The following PLEC variants were observed in gnomAD, a reference collection of about 807,000 sequenced individuals.
The protein encoded by PLEC is plectin.
A neutral mutation model predicts 392.8 loss-of-function variants in PLEC; 216 were observed. The ratio of observed to expected loss-of-function variants is 0.55; its 90% CI spans 0.49 to 0.62. PLEC has a LOEUF of 0.62. PLEC is among the 20% of genes least tolerant of loss of function. The probability of loss-of-function intolerance (pLI) is 0.00; values close to 1 mark genes in which losing one functional copy is unlikely to be tolerated. For synonymous variants in PLEC, 3,621 were observed against 2,980.6 expected, an observed-to-expected ratio of 1.21 and a Z score of -7.00; for missense variants, 6,863 against 6,563.4, an observed-to-expected ratio of 1.05 and a Z score of -1.58.
chr8:143,930,390 C>T lies in PLEC; in HGVS notation c.2451G>A (p.Gln817=), dbSNP rs1554713714. The change falls in exon 20 of 32, where the codon CAG becomes CAA. Residue 817 remains glutamine, a synonymous_variant. Coordinates refer to ENST00000345136, the MANE Select transcript of PLEC (RefSeq NM_201384.3). ...LPLLAVCDYK[Q]VEVTVHKGDE... Reference sequence around the variant, plus strand: ...ACCCCCGGCCTGCGCTCACCTCCACCTGCTTATAGTCGCACACGGCCAGCA... The same window carrying T: ...ACCCCCGGCCTGCGCTCACCTCCACTTGCTTATAGTCGCACACGGCCAGCA... 1.9e-6 allele frequency: 3 copies of T among 1,572,500 alleles called. No individual in the cohort carries two copies. In the Admixed American group the frequency reaches 5.5e-5, roughly 29 times the overall value.
chr8:143,965,850 C>T (rs942105712), intron 1 of PLEC, among the ~76,000 whole-genome samples: 2 of 152,212 alleles, frequency 1.3e-5, no homozygotes, highest in African/African-American at 2.4e-5. Context: ...GATGCCCATG[C>T]CCCCTGTGAC....
At position 143,918,694 on chromosome 8, in the gene PLEC, A is replaced by G. The variant is rs7819099; in HGVS notation, c.11127T>C (p.Ala3709=). The G allele has an allele frequency of 0.43, 691,722 of 1,612,552 alleles. 154,692 individuals carry two copies. Among genetic ancestry groups the G allele is most frequent in the African/African-American group, 0.73 (54,827 of 74,964 alleles). The change falls in exon 32 of 32, where the codon GCT becomes GCC. Residue 3709 remains alanine (A), a synonymous_variant. Coordinates refer to ENST00000345136, the MANE Select transcript of PLEC (RefSeq NM_201384.3). ...CGGCACTCAGCAGCCCTTTCTTGAG[A>G]GCCTGGTAGATGCTCAGTGTCTGCC... ...GSRQTLSIYQ[A]LKKGLLSAEV... is the part of the protein sequence containing the mutation.
At chr8:143,934,551 G>C in intron 10 of PLEC, 84 bp downstream of exon 10, 2 of 1,597,648 alleles carry the variant, frequency 1.3e-6, no homozygotes, top group Non-Finnish European at 1.7e-6. Context: ...TGGTCCCAAA[G>C]GCAGGGCCAG....
chr8:143,953,954 C>T (rs1015306302), upstream of PLEC: 171 of 1,358,624 alleles, frequency 1.3e-4, no homozygotes, highest in African/African-American at 2.5e-3. Context: ...CGCATGCTCC[C>T]GGCCGCACCG....
In PLEC at chr8:143,918,220, G is replaced by T; in HGVS notation, c.11601C>A (p.Asp3867Glu). The change falls in exon 32 of 32, where the codon GAC becomes GAA. Residue 3867 changes from aspartate to glutamate, a missense_variant. By Grantham distance (45) the Asp-to-Glu change is conservative. Coordinates refer to ENST00000345136, the MANE Select transcript of PLEC (RefSeq NM_201384.3). ...GCAGGAGCAGCTGGCCGGTGCCGTC[G>T]TCACGACGGCACCGCCTGAGCAGCT... ...YTQLLRRCRR[D>E]DGTGQLLLPL... 6.3e-7 allele frequency: 1 copy of T among 1,577,986 alleles called. No homozygotes were observed.
intron 1 of PLEC, among the ~76,000 whole-genome samples, chr8:143,966,057 G>A (rs1833072601): frequency 4.6e-5 from 7 of 152,034 alleles, no homozygotes; most frequent in Admixed American, 3.9e-4. Context: ...CTTCCCACAT[G>A]CCCCCTGGCA....
upstream of PLEC, among the ~76,000 whole-genome samples, chr8:143,957,368 C>T (rs1587388509): frequency 6.6e-6 from 1 of 152,170 alleles, no homozygotes; most frequent in Non-Finnish European, 1.5e-5. Context: ...AGGCTGCAGT[C>T]GGGCTCACCA....
Position 143,923,065 on chromosome 8 carries a change from T to G in PLEC, c.6864A>C (p.Gln2288His). 1 of 1,609,880 alleles carries G rather than the reference T, an allele frequency of 6.2e-7. No homozygotes were observed. The highest frequency in any genetic ancestry group is 2.2e-5 in the East Asian group (1 of 44,804). The change falls in exon 31 of 32, where the codon CAA becomes CAC. Residue 2288 changes from glutamine to histidine, a missense_variant. Transcript: ENST00000345136. The part of the protein sequence containing the change: ...EEAARLSVAA[Q>H]EAARLRQLAE... ...CCAGCTGCCGCAGTCGCGCAGCCTCTTGGGCCGCCACACTCAGCCGCGCGG... is the reference window on the plus strand; with the variant it reads ...CCAGCTGCCGCAGTCGCGCAGCCTCGTGGGCCGCCACACTCAGCCGCGCGG...
At chr8:143,971,855 G>A (rs578184605) in intron 1 of PLEC, among the ~76,000 whole-genome samples, 5 of 151,942 alleles carry the variant, frequency 3.3e-5, no homozygotes, top group African/African-American at 4.8e-5. Flanking sequence ...CCAAGACTGC[G>A]AGTGTGCCCA....
At chr8:143,954,071 C>A (rs1280821916), upstream of PLEC, among the ~76,000 whole-genome samples, 1 of 152,116 alleles carries the variant, frequency 6.6e-6, no homozygotes, top group Non-Finnish European at 1.5e-5. The surrounding 1 kb of genome is among the most constrained non-coding windows in gnomAD (Gnocchi z 4.6). Context: ...ACGGCCCACT[C>A]CCCAGCTCCG....
Position 143,930,383 on chromosome 8 carries a change from C to T in PLEC, c.2457+1G>A, listed in dbSNP as rs368904034. 1.3e-6 allele frequency: 2 copies of T among 1,571,724 alleles called. No individual in the cohort carries two copies. On this transcript the variant is annotated splice_donor_variant, in intron 20 of 31. Coordinates refer to ENST00000345136, the MANE Select transcript of PLEC (RefSeq NM_201384.3). LOFTEE classifies it high-confidence loss of function. ...CCAGTGGACCCCCGGCCTGCGCTCACCTCCACCTGCTTATAGTCGCACACG... is the reference window on the plus strand; with the variant it reads ...CCAGTGGACCCCCGGCCTGCGCTCATCTCCACCTGCTTATAGTCGCACACG...
intron 1 of PLEC, 94 bp from the exon 2 acceptor site, chr8:143,938,786 G>A: frequency 1.8e-6 from 2 of 1,102,758 alleles, no homozygotes; most frequent in Non-Finnish European, 2.8e-6. Flanking sequence ...TGGCTGGCCA[G>A]GTCCTGCCTG....
chr8:143,921,346 G>A lies in PLEC; in HGVS notation c.8475C>T (p.Pro2825=), dbSNP rs374602421. ...AGCCGCGCCGGTAGGCCACGTCCACGGGCACGCGGTGGCTGTGCACGGGGT... is the reference window on the plus strand; with the variant it reads ...AGCCGCGCCGGTAGGCCACGTCCACAGGCACGCGGTGGCTGTGCACGGGGT... ...VIDPVHSHRV[P]VDVAYRRGYF... is the part of the protein sequence containing the mutation. The change falls in exon 32 of 32, where the codon CCC becomes CCT. Residue 2825 remains proline, a synonymous_variant. Transcript: ENST00000345136. 7.6e-5 allele frequency: 122 copies of A among 1,613,594 alleles called. No homozygotes were observed. Among genetic ancestry groups the A allele is most frequent in the Admixed American group, 1.7e-4 (10 of 59,984 alleles).
chr8:143,917,772 G>T lies in PLEC; in HGVS notation c.12049C>A (p.Pro4017Thr). Residue 4017 changes from proline to threonine, a missense_variant, in exon 32 of 32, where the codon CCC becomes ACC. Physicochemically the swap from Pro to Thr is conservative, Grantham distance 38. Coordinates refer to ENST00000345136, the MANE Select transcript of PLEC (RefSeq NM_201384.3). ...AGGGAGATGAGCTTCCCAGAGTAGG[G>T]GTCCTTGTACCCAGTGACGGCGCGC... ...AERAVTGYKD[P>T]YSGKLISLFQ... The T allele has an allele frequency of 3.7e-6, 6 of 1,613,564 alleles. No homozygotes were observed. Among genetic ancestry groups the T allele is most frequent in the Non-Finnish European group, 5.1e-6 (6 of 1,179,994 alleles).
chr8:143,931,795 G>A, intron 18 of PLEC, 136 bp from the exon 19 acceptor site: 4 of 1,468,340 alleles, frequency 2.7e-6, no homozygotes, highest in South Asian at 1.2e-5. Context: ...GAGCACCCCT[G>A]TCCAAGGCCC....
In PLEC at chr8:143,959,000, C is replaced by T. The variant is rs1171180637; in HGVS notation, c.70+14403G>A. Among the ~76,000 whole-genome samples, 1 of 152,220 alleles carries T rather than the reference C, an allele frequency of 6.6e-6. No individual in the cohort carries two copies. The highest frequency in any genetic ancestry group is 1.9e-4 in the East Asian group (1 of 5,204). ...ATTGATCTAGAAAATCTCGACAGCTCATTTGATAAAAACCAGTATTTATAA... is the reference window on the plus strand; with the variant it reads ...ATTGATCTAGAAAATCTCGACAGCTTATTTGATAAAAACCAGTATTTATAA... On this transcript the variant is annotated intron_variant, in intron 1 of 31. Coordinates refer to the PLEC transcript ENST00000356346. This position sits in a 1 kb window ranked among gnomAD's most constrained non-coding sequence, Gnocchi z 4.9.
At position 143,921,304 on chromosome 8, in the gene PLEC, C is replaced by T. The variant is rs1324839750; in HGVS notation, c.8517G>A (p.Met2839Ile). The change falls in exon 32 of 32, where the codon ATG becomes ATA. Residue 2839 changes from methionine to isoleucine, a missense_variant. By Grantham distance (10) the Met-to-Ile change is conservative. Coordinates refer to ENST00000345136, the MANE Select transcript of PLEC (RefSeq NM_201384.3). ...AYRRGYFDEE[M>I]NRVLADPSDD... is the part of the protein sequence containing the mutation. Reference sequence around the variant, plus strand: ...CGCTGGGGTCCGCCAGGACGCGGTTCATCTCCTCGTCGAAGTAGCCGCGCC... The same window carrying T: ...CGCTGGGGTCCGCCAGGACGCGGTTTATCTCCTCGTCGAAGTAGCCGCGCC... The T allele has an allele frequency of 1.2e-6, 2 of 1,613,894 alleles. No individual in the cohort carries two copies. Among genetic ancestry groups the T allele is most frequent in the South Asian group, 1.1e-5 (1 of 91,094 alleles).
At chr8:143,950,684 G>T in exon 1 of PLEC, 1 of 1,571,048 alleles carries the variant, frequency 6.4e-7, no homozygotes. Context: ...CTGGTCCCGT[G>T]GCATGAGCAT....
rs1352631497 is a variant in PLEC at position 143,939,348 on chromosome 8, A to G, written c.112+2T>C. On this transcript the variant is annotated splice_donor_variant, in intron 1 of 31. Coordinates refer to ENST00000345136, the MANE Select transcript of PLEC (RefSeq NM_201384.3). LOFTEE classifies it high-confidence loss of function. ...GGGGGTGCCCGAGGGGAGCCCTGCT[A>G]CCTTTCTTGCCCTCAGAGGCCCTGA... is the stretch of plus-strand genomic sequence containing the variant. 6.2e-7 allele frequency: 1 copy of G among 1,610,792 alleles called. No homozygotes were observed. The highest frequency in any genetic ancestry group is 8.5e-7 in the Non-Finnish European group (1 of 1,179,084).
Sources: allele counts gnomAD v4.1 joint callset (sites outside exome capture counted in the v4.1 genomes callset), GRCh38; gene constraint gnomAD v4.1.1; non-coding constraint Gnocchi (gnomAD v3.1); transcripts MANE v1.5; gene names NCBI Gene and HGNC (gene_info 2026-07-23, HGNC 2026-07-21).